The following KIAA1217 variants were observed in gnomAD, a reference collection of about 807,000 sequenced individuals.
KIAA1217 encodes the protein KIAA1217, also known as sickle tail protein homolog.
KIAA1217 carries 88 observed loss-of-function variants against 163.9 expected under a neutral mutation model. The observed-to-expected ratio is 0.54, with a 90% confidence interval of 0.45 to 0.64. The LOEUF is 0.64. Ranked by LOEUF, KIAA1217 falls within the 30% of genes least tolerant of loss-of-function variation. The probability of loss-of-function intolerance (pLI) is 0.00; values close to 1 mark genes in which losing one functional copy is unlikely to be tolerated. For missense variants in KIAA1217, 2,372 were observed against 2,475.0 expected (o/e 0.96, Z 0.88); for synonymous variants, 903 against 923.1 (o/e 0.98, Z 0.39).
At chr10:24,539,647 C>A (rs1474043380) in intron 17 of KIAA1217, among the ~76,000 whole-genome samples, 1 of 152,124 alleles carries the variant, frequency 6.6e-6, no homozygotes. Flanking sequence ...TTATTGAGTG[C>A]CCAACACTGA....
At chr10:24,237,294 G>C (rs184354278) in intron 2 of KIAA1217, among the ~76,000 whole-genome samples, 5 of 152,330 alleles carry the variant, frequency 3.3e-5, no homozygotes, top group Admixed American at 3.3e-4. Context: ...CACTTTCCCA[G>C]CTCTAAGTTG....
rs756717624 is a variant in KIAA1217 at position 24,538,732 on chromosome 10, G to GTTTTTT, written c.3534+1852_3534+1857dup. 1.7e-4 allele frequency among the ~76,000 whole-genome samples: 15 copies of GTTTTTT among 87,746 alleles called. 2 individuals are homozygous for GTTTTTT. The highest frequency in any genetic ancestry group is 3.7e-4 in the South Asian group (1 of 2,668). 57.6% of individuals were successfully genotyped at this position (87,746 alleles called of 152,430 possible). A position where few individuals can be genotyped will look rare whatever the true frequency, so the allele number is the denominator to read the frequency against. On this transcript the variant is annotated intron_variant, in intron 17 of 20. Coordinates refer to ENST00000376454, the MANE Select transcript of KIAA1217 (RefSeq NM_019590.5). ...AATATATTGATTTTTATTGTTTTTG[G>GTTTTTT]TTTTTTTTTTTTTTTTTTGTGAGAC...
chr10:23,806,095 A>G (rs1448381326), intron 1 of KIAA1217, among the ~76,000 whole-genome samples: 2 of 152,080 alleles, frequency 1.3e-5, no homozygotes, highest in African/African-American at 4.8e-5. Flanking sequence ...TGTCTATTCA[A>G]AAAAAGGATA....
chr10:24,173,493 T>C (rs1310600356), intron 2 of KIAA1217, among the ~76,000 whole-genome samples: 1 of 152,198 alleles, frequency 6.6e-6, no homozygotes. Context: ...CCCATAAAGC[T>C]GATCTCTGGT....
chr10:24,270,551 ATTTC>A (rs926988505), intron 2 of KIAA1217, among the ~76,000 whole-genome samples: 13 of 151,986 alleles, frequency 8.6e-5, no homozygotes, highest in African/African-American at 2.7e-4. Context: ...AGTAGCTTAG[ATTTC>A]TTTCTTTCTT....
intron 2 of KIAA1217, among the ~76,000 whole-genome samples, chr10:24,177,327 AT>A (rs1318625081): frequency 8.0e-6 from 1 of 125,584 alleles, no homozygotes; most frequent in Non-Finnish European, 1.6e-5. Context: ...TATATCACAT[AT>A]ATCTTTGTAT....
At chr10:24,214,200 G>A (rs753983422) in intron 1 of KIAA1217, among the ~76,000 whole-genome samples, 1 of 152,092 alleles carries the variant, frequency 6.6e-6, no homozygotes, top group Non-Finnish European at 1.5e-5. Context: ...TGAAAACTGA[G>A]GGATGCTGTA....
At chr10:24,405,130 C>A (rs1472337342) in intron 3 of KIAA1217, among the ~76,000 whole-genome samples, 1 of 152,112 alleles carries the variant, frequency 6.6e-6, no homozygotes, top group Non-Finnish European at 1.5e-5. Context: ...AATACATACA[C>A]ACATACAAAT....
chr10:23,789,285 C>G (rs1172373273), intron 1 of KIAA1217, among the ~76,000 whole-genome samples: 2 of 152,140 alleles, frequency 1.3e-5, no homozygotes, highest in Non-Finnish European at 2.9e-5. Flanking sequence ...CTGAAAAAGA[C>G]TACTGTGTGA....
Position 23,904,670 on chromosome 10 carries a change from T to C in KIAA1217, c.-320-102555T>C, listed in dbSNP as rs533086258. 2.0e-5 allele frequency among the ~76,000 whole-genome samples: 3 copies of C among 152,224 alleles called. 1 individual carries two copies. The highest frequency in any genetic ancestry group is 1.3e-4 in the Admixed American group (2 of 15,278). On this transcript the variant is annotated intron_variant, in intron 1 of 18. Coordinates refer to the KIAA1217 transcript ENST00000376462. ...ACAAGCCCCTTCTGCTCAAATTTCA[T>C]TGGCCCAAGCAAGTCACGTGGCTAC...
chr10:24,531,041 A>AG (rs2073043619), intron 14 of KIAA1217, among the ~76,000 whole-genome samples: 1 of 148,696 alleles, frequency 6.7e-6, no homozygotes, highest in Non-Finnish European at 1.5e-5. Context: ...AAAAAAAAAA[A>AG]GAAAAGAAAA....
intron 1 of KIAA1217, among the ~76,000 whole-genome samples, chr10:23,998,602 T>C (rs1192484350): frequency 6.6e-6 from 1 of 152,262 alleles, no homozygotes; most frequent in Non-Finnish European, 1.5e-5. Context: ...CTCACCAATC[T>C]TTCTACCATG....
chr10:24,445,318 T>G (rs2060829491), intron 5 of KIAA1217, among the ~76,000 whole-genome samples: 1 of 152,178 alleles, frequency 6.6e-6, no homozygotes, highest in Non-Finnish European at 1.5e-5. Context: ...AATTTTGAAG[T>G]GATGTTCCTA....
At chr10:24,238,765 G>A (rs935229443) in intron 2 of KIAA1217, among the ~76,000 whole-genome samples, 1 of 152,178 alleles carries the variant, frequency 6.6e-6, no homozygotes, top group Non-Finnish European at 1.5e-5. Flanking sequence ...ACTTTATCCT[G>A]CAGAGAGAGA....
chr10:23,740,652 A>G (rs1242017078), intron 1 of KIAA1217, among the ~76,000 whole-genome samples: 8 of 152,018 alleles, frequency 5.3e-5, no homozygotes, highest in Non-Finnish European at 7.4e-5. Flanking sequence ...GAGCCATTAT[A>G]CCTGGCCTTG....
chr10:24,337,562 G>T (rs1012123600), intron 2 of KIAA1217, among the ~76,000 whole-genome samples: 14 of 149,546 alleles, frequency 9.4e-5, no homozygotes, highest in African/African-American at 3.2e-4. Flanking sequence ...ATGTTTTTTT[G>T]TTTGCTTTGT....
intron 2 of KIAA1217, among the ~76,000 whole-genome samples, chr10:24,226,205 C>G (rs140585523): frequency 6.6e-6 from 1 of 152,126 alleles, no homozygotes; most frequent in East Asian, 1.9e-4. Context: ...CATTATGGGC[C>G]TATGGACCTT....
At chr10:24,524,197 C>G in intron 12 of KIAA1217, 126 bp from the exon 13 acceptor site, 1 of 916,192 alleles carries the variant, frequency 1.1e-6, no homozygotes. Flanking sequence ...ATACATGTCC[C>G]TAAGCGGCTA....
In KIAA1217 at chr10:23,910,065, C is replaced by T. The variant is rs12244255; in HGVS notation, c.-320-97160C>T. On this transcript the variant is annotated intron_variant, in intron 1 of 18. Coordinates refer to the KIAA1217 transcript ENST00000376462. Reference sequence around the variant, plus strand: ...TGACCATTGACAGAAAACCAAACACCGCGTGTTCTCACTCATAAGTGGGAG... The same window carrying T: ...TGACCATTGACAGAAAACCAAACACTGCGTGTTCTCACTCATAAGTGGGAG... 8.2e-3 allele frequency among the ~76,000 whole-genome samples: 1,244 copies of T among 151,960 alleles called. 22 individuals are homozygous for T. The highest frequency in any genetic ancestry group is 0.029 in the African/African-American group (1,194 of 41,440).
Sources: gnomAD v4.1 joint callset for allele counts (sites outside exome capture counted in the v4.1 genomes callset) on GRCh38, gnomAD v4.1.1 for gene constraint, MANE v1.5 for transcripts, NCBI Gene and HGNC (gene_info 2026-07-23, HGNC 2026-07-21) for gene names.